GSN: variants seen among roughly 807,000 people sequenced by gnomAD.
The protein encoded by GSN is gelsolin.
In GSN, 56 loss-of-function variants were observed where a neutral mutation model predicts 85.7. The observed-to-expected ratio is 0.65, with a 90% CI of 0.53 to 0.82. GSN has a LOEUF of 0.82. Ranked by LOEUF, GSN falls within the 40% of genes least tolerant of loss-of-function variation. GSN has a pLI of 0.00. For missense variants in GSN, 857 were observed against 979.8 expected (o/e 0.87, Z 1.67); for synonymous variants, 373 against 399.1 (o/e 0.93, Z 0.78).
At chr9:121,312,569 G>C in intron 6 of GSN, 81 bp downstream of exon 6, 5 of 898,104 alleles carry the variant, frequency 5.6e-6, no homozygotes, top group Non-Finnish European at 4.7e-6. Context: ...AATTTGAGGT[G>C]AATTTGAGGA....
chr9:121,320,790 G>T (rs1465229200), intron 10 of GSN, among the ~76,000 whole-genome samples: 1 of 152,230 alleles, frequency 6.6e-6, no homozygotes, highest in African/African-American at 2.4e-5. Context: ...TTTGTGCCGG[G>T]CCCTGTGCTA....
chr9:121,283,578 G>A (rs1329811240), intron 2 of GSN: 3 of 166,808 alleles, frequency 1.8e-5, no homozygotes, highest in African/African-American at 4.8e-5. Context: ...GATTACAGGT[G>A]TGAGCCATGA....
At chr9:121,255,691 T>A (rs1229119677) in intron 6 of GSN, among the ~76,000 whole-genome samples, 1 of 152,236 alleles carries the variant, frequency 6.6e-6, no homozygotes, top group African/African-American at 2.4e-5. Flanking sequence ...TGTATGCATG[T>A]ATTATGATTT....
At chr9:121,204,654 G>A (rs1198406191), upstream of GSN, among the ~76,000 whole-genome samples, 1 of 152,148 alleles carries the variant, frequency 6.6e-6, no homozygotes, top group African/African-American at 2.4e-5. Context: ...GTTTCTATAA[G>A]AAGAGATGTA....
At chr9:121,294,025 A>T (rs1311147094) in intron 2 of GSN, among the ~76,000 whole-genome samples, 1 of 152,212 alleles carries the variant, frequency 6.6e-6, no homozygotes, top group Non-Finnish European at 1.5e-5. Context: ...TTCTGGTGGG[A>T]GCTCTTTCCA....
chr9:121,312,328 CTG>C lies in GSN; in HGVS notation c.514-9_514-8del, dbSNP rs767627911. ...GGCGGGGCACTGACTTCCTGGGTCT[CTG>C]TCTTCCAGAACATCCACCAGTGGTG... On this transcript the variant is annotated splice_polypyrimidine_tract_variant and intron_variant, in intron 5 of 17. Coordinates refer to ENST00000432226, the MANE Select transcript of GSN (RefSeq NM_198252.3). 1 of 1,614,092 alleles carries C rather than the reference CTG, an allele frequency of 6.2e-7. No individual in the cohort carries two copies. Among genetic ancestry groups the C allele is most frequent in the South Asian group, 1.1e-5 (1 of 91,058 alleles).
At chr9:121,244,349 A>G (rs2054659370) in intron 5 of GSN, among the ~76,000 whole-genome samples, 1 of 152,242 alleles carries the variant, frequency 6.6e-6, no homozygotes, top group African/African-American at 2.4e-5. Context: ...TTGAGTAAAT[A>G]TGTAGGAAAA....
intron 2 of GSN, among the ~76,000 whole-genome samples, chr9:121,291,416 C>CTTTTTTTTTTTT (rs10615868): frequency 9.6e-6 from 1 of 103,882 alleles, no homozygotes; most frequent in African/African-American, 3.8e-5. Context: ...CCCCACTGGA[C>CTTTTTTTTTTTT]TTTTTTTTTT....
intron 4 of GSN, among the ~76,000 whole-genome samples, chr9:121,219,201 C>T (rs948522223): frequency 4.6e-5 from 7 of 152,034 alleles, no homozygotes; most frequent in South Asian, 2.1e-4. Flanking sequence ...TCTCTTTACC[C>T]GGTCTCCTGA....
chr9:121,326,471 G>A (rs1474066717), intron 12 of GSN, 41 bp from the exon 13 acceptor site: 1 of 1,562,420 alleles, frequency 6.4e-7, no homozygotes, highest in Non-Finnish European at 8.8e-7. Context: ...ACTGAAGCCT[G>A]CCCCCAAGGT....
chr9:121,317,198 G>C lies in GSN; in HGVS notation c.866G>C (p.Gly289Ala), dbSNP rs2061818317. 8 of 1,614,190 alleles carry C rather than the reference G, an allele frequency of 5.0e-6. No individual in the cohort carries two copies. The South Asian group carries it at 7.7e-5, about 16-fold the overall frequency. Residue 289 changes from glycine (G) to alanine (A), a missense_variant, in exon 8 of 18, where the codon GGG becomes GCG. By Grantham distance (60) the Gly-to-Ala change is moderately conservative. Transcript: ENST00000432226. ...TTCATCCTGGACCACGGCAAAGATGGGAAAATCTTTGTCTGGAAAGGTACT... is the reference window on the plus strand; with the variant it reads ...TTCATCCTGGACCACGGCAAAGATGCGAAAATCTTTGTCTGGAAAGGTACT... ...DCFILDHGKD[G>A]KIFVWKGKQA...
chr9:121,238,687 C>T (rs1049873791), intron 5 of GSN: 5 of 366,032 alleles, frequency 1.4e-5, no homozygotes, highest in African/African-American at 1.1e-4. Context: ...TTCAGCATAT[C>T]TTTGGGGAAG....
chr9:121,237,487 C>G (rs1023554218), intron 5 of GSN, among the ~76,000 whole-genome samples: 23 of 152,206 alleles, frequency 1.5e-4, no homozygotes, highest in African/African-American at 4.3e-4. Context: ...ATTGCTTGAG[C>G]CTGGGAGCAG....
chr9:121,301,645 GAAAA>G (rs375842066), intron 2 of GSN, among the ~76,000 whole-genome samples: 4 of 143,758 alleles, frequency 2.8e-5, no homozygotes, highest in East Asian at 2.0e-4. Context: ...AAAAAAAAAA[GAAAA>G]AAAGAAAGAA....
intron 6 of GSN, among the ~76,000 whole-genome samples, chr9:121,257,954 A>G (rs2055001465): frequency 2.6e-5 from 4 of 152,260 alleles, no homozygotes; most frequent in African/African-American, 9.6e-5. Context: ...TATAAAGAAC[A>G]TATGGCAACA....
chr9:121,231,852 G>T (rs1285576036), intron 5 of GSN, among the ~76,000 whole-genome samples: 1 of 152,110 alleles, frequency 6.6e-6, no homozygotes, highest in African/African-American at 2.4e-5. Context: ...TGCCAAAGCG[G>T]TCTCAGGAGT....
intron 7 of GSN, among the ~76,000 whole-genome samples, chr9:121,316,607 G>C (rs992391859): frequency 3.9e-5 from 6 of 151,974 alleles, no homozygotes; most frequent in African/African-American, 1.4e-4. Flanking sequence ...AGTAGCTGGG[G>C]CCACAAGCAA....
chr9:121,250,395 G>A (rs2054796130), intron 6 of GSN, among the ~76,000 whole-genome samples: 1 of 151,926 alleles, frequency 6.6e-6, no homozygotes, highest in Non-Finnish European at 1.5e-5. Context: ...TAGTAGAGAC[G>A]GGGTTTCACC....
upstream of GSN, among the ~76,000 whole-genome samples, chr9:121,205,622 C>T (rs533035183): frequency 3.3e-5 from 5 of 152,060 alleles, no homozygotes; most frequent in Non-Finnish European, 7.4e-5. Flanking sequence ...AAAGAAGTGT[C>T]CATCAGAGAG....
Sources: gnomAD v4.1 joint callset for allele counts (sites outside exome capture counted in the v4.1 genomes callset) on GRCh38, gnomAD v4.1.1 for gene constraint, MANE v1.5 for transcripts, NCBI Gene and HGNC (gene_info 2026-07-23, HGNC 2026-07-21) for gene names.